The following HTD2 variants were observed in gnomAD, a reference collection of about 807,000 sequenced individuals.
HTD2 encodes the protein hydroxyacyl-thioester dehydratase type 2, also known as hydroxyacyl-thioester dehydratase type 2, mitochondrial.
A neutral mutation model predicts 3.1 loss-of-function variants in HTD2; 1 was observed. That is an observed-to-expected ratio of 0.32 (90% CI 0.11 to 1.52). HTD2 has a LOEUF of 1.52. Among genes scored for constraint, HTD2 ranks in the 40% most tolerant of loss-of-function variants. HTD2 has a pLI of 0.39. For missense variants in HTD2, 150 were observed against 79.6 expected (o/e 1.88, Z -3.36); for synonymous variants, 50 against 28.9 (o/e 1.73, Z -2.34).
rs962925304 is a variant in HTD2 at position 58,310,575 on chromosome 3, A to G, written c.-347A>G. ...AAACAGCTGCTTATTTCGGCTGTGA[A>G]GGACCTGTTTGGGGAGGTATGGAAT... On this transcript the variant is annotated 5_prime_UTR_variant, in exon 2 of 5. Coordinates refer to ENST00000461393, the MANE Select transcript of HTD2 (RefSeq NM_001348712.2). 9 of 1,612,926 alleles carry G rather than the reference A, an allele frequency of 5.6e-6. No individual in the cohort carries two copies. Among genetic ancestry groups the G allele is most frequent in the East Asian group, 4.5e-5 (2 of 44,864 alleles).
At chr3:58,309,009 A>G (rs538299005) in intron 1 of HTD2, among the ~76,000 whole-genome samples, 1 of 152,354 alleles carries the variant, frequency 6.6e-6, no homozygotes, top group South Asian at 2.1e-4. Flanking sequence ...AGCTGCATTG[A>G]GTGCCCCTTC....
intron 1 of HTD2, among the ~76,000 whole-genome samples, chr3:58,308,260 T>G (rs1272530469): frequency 6.6e-6 from 1 of 152,024 alleles, no homozygotes; most frequent in Non-Finnish European, 1.5e-5. Context: ...GAATACCTAC[T>G]TTGTGTCATA....
At chr3:58,311,210 A>G (rs1275647099) in intron 2 of HTD2, among the ~76,000 whole-genome samples, 1 of 151,966 alleles carries the variant, frequency 6.6e-6, no homozygotes, top group African/African-American at 2.4e-5. Context: ...GCTGGAGTGC[A>G]ATGGCACATT....
chr3:58,318,587 G>T lies in HTD2; in HGVS notation c.*467G>T. Reference sequence around the variant, plus strand: ...CTTGGGAGGCTGAGGTGGGAGAATTGCTTGGGCCTGAGAGCTGGAGGTTAT... The same window carrying T: ...CTTGGGAGGCTGAGGTGGGAGAATTTCTTGGGCCTGAGAGCTGGAGGTTAT... On this transcript the variant is annotated 3_prime_UTR_variant, in exon 5 of 5. Transcript: ENST00000461393. 6.6e-6 allele frequency: 1 copy of T among 152,574 alleles called. No individual in the cohort carries two copies. Among genetic ancestry groups the T allele is most frequent in the Non-Finnish European group, 1.4e-5 (1 of 69,274 alleles). 9.5% of individuals were successfully genotyped at this position (152,574 alleles called of 1,614,324 possible). A position where few individuals can be genotyped will look rare whatever the true frequency, so the allele number is the denominator to read the frequency against.
intron 2 of HTD2, among the ~76,000 whole-genome samples, chr3:58,314,167 A>G (rs765333766): frequency 2.0e-5 from 3 of 152,012 alleles, no homozygotes; most frequent in African/African-American, 2.4e-5. Context: ...CCTGGCCAAC[A>G]TGGCAAAACC....
At chr3:58,308,948 C>T (rs1025410914) in intron 1 of HTD2, among the ~76,000 whole-genome samples, 1 of 152,244 alleles carries the variant, frequency 6.6e-6, no homozygotes, top group Non-Finnish European at 1.5e-5. Flanking sequence ...AAGGAACTGT[C>T]TACAGAGAGA....
intron 3 of HTD2, 134 bp from the exon 4 acceptor site, chr3:58,316,777 ACGAT>A (rs1358571216): frequency 2.3e-6 from 2 of 884,108 alleles, no homozygotes; most frequent in African/African-American, 3.4e-5. Flanking sequence ...GGCAAAACTT[ACGAT>A]TTGGTTACAG....
intron 1 of HTD2, among the ~76,000 whole-genome samples, chr3:58,308,241 C>T (rs377417159): frequency 6.6e-6 from 1 of 152,058 alleles, no homozygotes; most frequent in Non-Finnish European, 1.5e-5. Context: ...TATCACTTTT[C>T]TCTCATTTGA....
chr3:58,312,703 A>G (rs910307828), intron 2 of HTD2, among the ~76,000 whole-genome samples: 1 of 152,008 alleles, frequency 6.6e-6, no homozygotes, highest in Non-Finnish European at 1.5e-5. Flanking sequence ...GCTCACTCCT[A>G]TAATCCCAGC....
intron 2 of HTD2, among the ~76,000 whole-genome samples, chr3:58,310,898 C>G (rs1409109977): frequency 2.7e-5 from 4 of 149,832 alleles, no homozygotes; most frequent in Non-Finnish European, 5.9e-5. Flanking sequence ...CCACTGCACT[C>G]CAGCCTGGCA....
intron 2 of HTD2, among the ~76,000 whole-genome samples, chr3:58,310,811 T>C (rs1396931018): frequency 6.6e-6 from 1 of 151,668 alleles, no homozygotes; most frequent in Non-Finnish European, 1.5e-5. Flanking sequence ...GCACCTGTAA[T>C]CCCAGCTACT....
At chr3:58,310,199 C>T in intron 1 of HTD2, 2 of 759,022 alleles carry the variant, frequency 2.6e-6, no homozygotes, top group East Asian at 2.6e-5. Flanking sequence ...AGGGTGAGAC[C>T]CTGCCTTAAA....
At chr3:58,310,319 C>T (rs748609393) in intron 1 of HTD2, 188 bp from the exon 2 acceptor site, 3 of 1,613,254 alleles carry the variant, frequency 1.9e-6, no homozygotes, top group Non-Finnish European at 2.5e-6. Context: ...GTGTGATCAG[C>T]ACTGGAAAAG....
intron 1 of HTD2, chr3:58,307,671 A>ACAGAGTGCGACTCCC (rs982573755): frequency 1.3e-5 from 2 of 152,248 alleles, no homozygotes; most frequent in Non-Finnish European, 2.9e-5. Flanking sequence ...AGCCTGGGCG[A>ACAGAGTGCGACTCCC]CAGAGTGAGA....
At chr3:58,313,704 A>G (rs374690084) in intron 2 of HTD2, among the ~76,000 whole-genome samples, 2 of 152,210 alleles carry the variant, frequency 1.3e-5, no homozygotes, top group East Asian at 3.9e-4. Flanking sequence ...GTGCACTGAT[A>G]GTCCCAACTA....
intron 1 of HTD2, among the ~76,000 whole-genome samples, chr3:58,307,185 G>A (rs566594569): frequency 6.6e-6 from 1 of 152,232 alleles, no homozygotes; most frequent in African/African-American, 2.4e-5. Flanking sequence ...AGGACATGAA[G>A]TCAGAGGTGT....
In HTD2 at chr3:58,318,974, CAG is replaced by C. The variant is rs2097491503; in HGVS notation, c.*857_*858del. 1.4e-5 allele frequency: 2 copies of C among 147,764 alleles called. No homozygotes were observed. The highest frequency in any genetic ancestry group is 1.4e-4 in the Admixed American group (2 of 14,700). 9.2% of individuals were successfully genotyped at this position (147,764 alleles called of 1,614,324 possible). A position where few individuals can be genotyped will look rare whatever the true frequency, so the allele number is the denominator to read the frequency against. Reference sequence around the variant, plus strand: ...CACCACTGCACTTCAGCCTGGGTGACAGAGCAAAACTCCACCTCAAAAAAAAA... The same window carrying C: ...CACCACTGCACTTCAGCCTGGGTGACAGCAAAACTCCACCTCAAAAAAAAA... On this transcript the variant is annotated 3_prime_UTR_variant, in exon 5 of 5. Coordinates refer to ENST00000461393, the MANE Select transcript of HTD2 (RefSeq NM_001348712.2).
At chr3:58,314,606 A>T (rs1321969127) in intron 2 of HTD2, among the ~76,000 whole-genome samples, 1 of 151,946 alleles carries the variant, frequency 6.6e-6, no homozygotes, top group African/African-American at 2.4e-5. Context: ...ATGCAAAGAA[A>T]CTAGATCACT....
chr3:58,308,944 C>T (rs1338256884), intron 1 of HTD2, among the ~76,000 whole-genome samples: 1 of 152,244 alleles, frequency 6.6e-6, no homozygotes, highest in Non-Finnish European at 1.5e-5. Flanking sequence ...AGGAAAGGAA[C>T]TGTCTACAGA....
Sources: allele counts gnomAD v4.1 joint callset (sites outside exome capture counted in the v4.1 genomes callset), GRCh38; gene constraint gnomAD v4.1.1; transcripts MANE v1.5; gene names NCBI Gene and HGNC (gene_info 2026-07-23, HGNC 2026-07-21).